CACNA1I: variants seen among roughly 807,000 people sequenced by gnomAD.
CACNA1I encodes the protein voltage-dependent T-type calcium channel subunit alpha-1I.
CACNA1I carries 74 observed loss-of-function variants against 201.6 expected under a neutral mutation model. The ratio of observed to expected loss-of-function variants is 0.37; its 90% CI spans 0.30 to 0.45. CACNA1I has a LOEUF of 0.45. Ranked by LOEUF, CACNA1I falls within the 20% of genes least tolerant of loss-of-function variation. The probability of loss-of-function intolerance (pLI) is 1.00; values close to 1 mark genes in which losing one functional copy is unlikely to be tolerated. For synonymous variants in CACNA1I, 1,431 were observed against 1,345.2 expected (o/e 1.06, Z -1.40); for missense variants, 2,346 against 3,138.1 (o/e 0.75, Z 6.03).
intron 1 of CACNA1I, among the ~76,000 whole-genome samples, chr22:39,585,451 G>A (rs1192082399): frequency 2.9e-5 from 4 of 138,298 alleles, no homozygotes; most frequent in African/African-American, 1.1e-4. Context: ...GTGCAGTGGC[G>A]CGATCTTGGC....
At chr22:39,571,451 A>G (rs1353614915) in intron 1 of CACNA1I, among the ~76,000 whole-genome samples, 1 of 152,132 alleles carries the variant, frequency 6.6e-6, no homozygotes, top group Non-Finnish European at 1.5e-5. Flanking sequence ...GCCTCTTCCC[A>G]GGCCTCCTGC....
intron 4 of CACNA1I, among the ~76,000 whole-genome samples, chr22:39,620,065 A>C (rs5757751): frequency 2.3e-4 from 22 of 94,446 alleles, no homozygotes; most frequent in East Asian, 6.7e-4. Flanking sequence ...CCACCCACCC[A>C]TCCACCCACC....
rs75728466 is a variant in CACNA1I at position 39,645,407 on chromosome 22, G to A, written c.1150-1162G>A. On this transcript the variant is annotated intron_variant, in intron 7 of 36. Transcript: ENST00000402142. ...GGTCGCCCAGGGCAGCAGCTGCAGA[G>A]GCAGGGGCGGGTAGGAGCCTGACAA... is the stretch of plus-strand genomic sequence containing the variant. Among the ~76,000 whole-genome samples, 1,150 of 152,326 alleles carry A rather than the reference G, an allele frequency of 7.5e-3. 9 individuals carry two copies. Among genetic ancestry groups the A allele is most frequent in the African/African-American group, 0.026 (1,078 of 41,566 alleles).
chr22:39,637,232 G>A (rs1277514899), intron 5 of CACNA1I, among the ~76,000 whole-genome samples: 2 of 152,206 alleles, frequency 1.3e-5, no homozygotes, highest in African/African-American at 4.8e-5. Context: ...GCAGAGTGGG[G>A]CCTGGAAGCC....
rs367561389 is a variant in CACNA1I at position 39,686,078 on chromosome 22, C to G, written c.6345C>G (p.Gly2115=). 1,117 of 1,222,654 alleles carry G rather than the reference C, an allele frequency of 9.1e-4. 10 individuals carry two copies. In the African/African-American group the frequency reaches 0.016, roughly 17 times the overall value. The allele number at this position is 1,222,654 out of a possible 1,614,324, so 75.7% of individuals were successfully genotyped here. A position where few individuals can be genotyped will look rare whatever the true frequency, so the allele number is the denominator to read the frequency against. The change falls in exon 37 of 37, where the codon GGC becomes GGG. Residue 2115 remains glycine (G), a synonymous_variant. Transcript: ENST00000402142. ...ACGAGGAGGGCCGCGGTGGCGCGGG[C>G]GGCGGGGGCGCGGGCAGCGAGCACT... ...PSDEEGRGGA[G]GGGAGSEHSE...
At chr22:39,674,358 A>T (rs1935460929) in intron 29 of CACNA1I, among the ~76,000 whole-genome samples, 1 of 152,184 alleles carries the variant, frequency 6.6e-6, no homozygotes, top group African/African-American at 2.4e-5. Context: ...GACCTCCAGC[A>T]TGCTCCAGAG....
rs1346598091 is a variant in CACNA1I at position 39,685,418 on chromosome 22, G to T, written c.6028-343G>T. Among the ~76,000 whole-genome samples, 9 of 144,856 alleles carry T rather than the reference G, an allele frequency of 6.2e-5. No homozygotes were observed. The highest frequency in any genetic ancestry group is 2.0e-4 in the African/African-American group (8 of 39,032). The stretch of plus-strand genomic sequence containing the variant: ...TGGGAGCAGCCAAGGCTGGGGCCGC[G>T]TCAGACCATGGGGGGTGCGGTGGGG... On this transcript the variant is annotated intron_variant, in intron 36 of 36. Coordinates refer to ENST00000402142, the MANE Select transcript of CACNA1I (RefSeq NM_021096.4). This position sits in a 1 kb window ranked among gnomAD's most constrained non-coding sequence, Gnocchi z 5.0.
chr22:39,654,306 C>T (rs1035681712), intron 10 of CACNA1I, among the ~76,000 whole-genome samples: 2 of 152,224 alleles, frequency 1.3e-5, no homozygotes, highest in Non-Finnish European at 2.9e-5. Context: ...CCCATGCAGG[C>T]CCTGACTCCC....
intron 1 of CACNA1I, among the ~76,000 whole-genome samples, chr22:39,571,852 G>T (rs961957142): frequency 6.6e-6 from 1 of 152,272 alleles, no homozygotes; most frequent in Non-Finnish European, 1.5e-5. Flanking sequence ...AGATGACTGG[G>T]ATGGGGACCC....
chr22:39,580,900 T>C (rs1601791615), intron 1 of CACNA1I, among the ~76,000 whole-genome samples: 1 of 152,202 alleles, frequency 6.6e-6, no homozygotes, highest in African/African-American at 2.4e-5. Context: ...CCCAGCTATG[T>C]GTTGGACACT....
chr22:39,620,139 C>T (rs1933694154), intron 4 of CACNA1I, among the ~76,000 whole-genome samples: 2 of 119,738 alleles, frequency 1.7e-5, no homozygotes, highest in African/African-American at 3.4e-5. Context: ...GTCCATCCAT[C>T]CACCCACCCA....
chr22:39,677,840 C>T lies in CACNA1I; in HGVS notation c.4934-147C>T, dbSNP rs956296138. On this transcript the variant is annotated intron_variant, in intron 30 of 36. Coordinates refer to ENST00000402142, the MANE Select transcript of CACNA1I (RefSeq NM_021096.4). The surrounding 1 kb of genome is among the most constrained non-coding windows in gnomAD (Gnocchi z 4.8). ...CCAGCTCATGTGCCATCTCCCCGAGCCTCAGTTTATCTGTGGGCTGGGCAC... is the reference window on the plus strand; with the variant it reads ...CCAGCTCATGTGCCATCTCCCCGAGTCTCAGTTTATCTGTGGGCTGGGCAC... The T allele has an allele frequency of 1.8e-5, 16 of 867,942 alleles. No homozygotes were observed. Among genetic ancestry groups the T allele is most frequent in the Non-Finnish European group, 2.7e-5 (16 of 585,158 alleles). The allele number at this position is 867,942 out of a possible 1,614,324, so 53.8% of individuals were successfully genotyped here. A position where few individuals can be genotyped will look rare whatever the true frequency, so the allele number is the denominator to read the frequency against.
intron 8 of CACNA1I, 27 bp downstream of exon 8, chr22:39,646,908 A>G (rs1366656181): frequency 2.1e-6 from 3 of 1,460,112 alleles, no homozygotes; most frequent in Admixed American, 5.5e-5. Flanking sequence ...CCGACGCGGC[A>G]CTCAGGCACT....
Position 39,661,156 on chromosome 22 carries a change from C to A in CACNA1I, c.2747C>A (p.Pro916His). ...ATGACCCCCAATGGGCACCTGGACC[C>A]CAGTCTCCCACTGGGTGGGCACCTA... ...IPMTPNGHLDPSLPLGGHLGP... is the reference protein window; with the variant it reads ...IPMTPNGHLDHSLPLGGHLGP... The change falls in exon 16 of 37, where the codon CCC becomes CAC. Residue 916 changes from proline to histidine, a missense_variant. Transcript: ENST00000402142. The A allele has an allele frequency of 6.2e-7, 1 of 1,613,348 alleles. No homozygotes were observed. The highest frequency in any genetic ancestry group is 1.1e-5 in the South Asian group (1 of 91,032).
chr22:39,613,911 C>T (rs900848144), intron 3 of CACNA1I, among the ~76,000 whole-genome samples: 1 of 152,070 alleles, frequency 6.6e-6, no homozygotes, highest in African/African-American at 2.4e-5. Flanking sequence ...AATCTCAGCT[C>T]ACTGCAACCT....
chr22:39,646,223 C>T (rs1487192904), intron 7 of CACNA1I, among the ~76,000 whole-genome samples: 3 of 152,062 alleles, frequency 2.0e-5, no homozygotes, highest in Non-Finnish European at 4.4e-5. Context: ...CCCTCCACCT[C>T]CCCTGCCCTT....
chr22:39,583,551 A>G (rs2145808185), intron 1 of CACNA1I, among the ~76,000 whole-genome samples: 1 of 152,266 alleles, frequency 6.6e-6, no homozygotes, highest in South Asian at 2.1e-4. Flanking sequence ...ACATTCATGC[A>G]TTTATCCACA....
chr22:39,617,138 G>A (rs1212591756), intron 3 of CACNA1I, among the ~76,000 whole-genome samples: 4 of 152,218 alleles, frequency 2.6e-5, no homozygotes, highest in Non-Finnish European at 4.4e-5. Context: ...AACAGTGCCC[G>A]GCACCCAGTA....
At chr22:39,637,405 G>A (rs1223127005) in intron 5 of CACNA1I, among the ~76,000 whole-genome samples, 1 of 152,146 alleles carries the variant, frequency 6.6e-6, no homozygotes, top group African/African-American at 2.4e-5. Context: ...AGTAGGTGGG[G>A]AGGGTACTCT....
Sources: gnomAD v4.1 joint callset for allele counts (sites outside exome capture counted in the v4.1 genomes callset) on GRCh38, gnomAD v4.1.1 for gene constraint, Gnocchi (gnomAD v3.1) non-coding constraint, MANE v1.5 for transcripts, NCBI Gene and HGNC (gene_info 2026-07-23, HGNC 2026-07-21) for gene names.